The following SHANK2 variants were observed in gnomAD, a reference collection of about 807,000 sequenced individuals.
SHANK2 encodes the protein SH3 and multiple ankyrin repeat domains protein 2.
SHANK2 carries 43 observed loss-of-function variants against 133.7 expected under a neutral mutation model. That is an observed-to-expected ratio of 0.32 (90% CI 0.25 to 0.41). SHANK2 has a LOEUF of 0.41. Ranked by LOEUF, SHANK2 falls within the 10% of genes least tolerant of loss-of-function variation. The pLI is 1.00. For missense variants in SHANK2, 1,994 were observed against 2,235.8 expected, an observed-to-expected ratio of 0.89 and a Z score of 2.18; for synonymous variants, 1,017 against 952.8, an observed-to-expected ratio of 1.07 and a Z score of -1.24.
chr11:70,804,225 C>T lies in SHANK2; in HGVS notation c.1663+2777G>A, dbSNP rs1426292862. Reference sequence around the variant, plus strand: ...AGGGGACAGAATTCCTCCAAACGGCCTTGGCTCTGCAGGCAGTGGATCGGC... The same window carrying T: ...AGGGGACAGAATTCCTCCAAACGGCTTTGGCTCTGCAGGCAGTGGATCGGC... On this transcript the variant is annotated intron_variant, in intron 13 of 25. Transcript: ENST00000601538. This position sits in a 1 kb window ranked among gnomAD's most constrained non-coding sequence, Gnocchi z 4.1. 6.6e-6 allele frequency among the ~76,000 whole-genome samples: 1 copy of T among 152,222 alleles called. No individual in the cohort carries two copies. The highest frequency in any genetic ancestry group is 1.5e-5 in the Non-Finnish European group (1 of 68,036).
intron 1 of SHANK2, among the ~76,000 whole-genome samples, chr11:71,226,979 G>A (rs544896140): frequency 6.6e-6 from 1 of 152,048 alleles, no homozygotes; most frequent in Non-Finnish European, 1.5e-5. Flanking sequence ...ATGGAGAAGG[G>A]TAAAGAGACA....
chr11:70,775,308 T>C (rs1410022822), intron 14 of SHANK2, among the ~76,000 whole-genome samples: 4 of 151,954 alleles, frequency 2.6e-5, no homozygotes, highest in Non-Finnish European at 4.4e-5. Context: ...ACATAAAAAT[T>C]AGCTGGGGGC....
At chr11:71,184,122 G>A (rs964319511) in intron 2 of SHANK2, among the ~76,000 whole-genome samples, 7 of 152,104 alleles carry the variant, frequency 4.6e-5, no homozygotes, top group Non-Finnish European at 1.0e-4. Flanking sequence ...GCCCCTCCCC[G>A]GCGGCACCTG....
chr11:70,702,635 C>T, intron 14 of SHANK2, among the ~76,000 whole-genome samples: 1 of 152,238 alleles, frequency 6.6e-6, no homozygotes, highest in East Asian at 1.9e-4. Context: ...ATCATCATCA[C>T]TGCAGCAGAA....
chr11:70,594,241 G>A (rs1352275936), intron 17 of SHANK2, among the ~76,000 whole-genome samples: 2 of 152,338 alleles, frequency 1.3e-5, no homozygotes, highest in East Asian at 3.9e-4. Context: ...ACATGCCGGG[G>A]CGTGGGGGAT....
At chr11:71,152,719 A>T (rs1952821581) in intron 2 of SHANK2, among the ~76,000 whole-genome samples, 1 of 152,142 alleles carries the variant, frequency 6.6e-6, no homozygotes, top group African/African-American at 2.4e-5. Context: ...AGGTGAGCAG[A>T]GAGGAGGAGA....
At chr11:70,538,108 G>A (rs1419409832) in intron 17 of SHANK2, among the ~76,000 whole-genome samples, 1 of 152,208 alleles carries the variant, frequency 6.6e-6, no homozygotes, top group Admixed American at 6.5e-5. Flanking sequence ...GAGATGAGGG[G>A]CAGAGACCAG....
intron 10 of SHANK2, among the ~76,000 whole-genome samples, chr11:70,908,785 C>T (rs1021983597): frequency 1.3e-5 from 2 of 152,198 alleles, no homozygotes; most frequent in African/African-American, 4.8e-5. Flanking sequence ...CCACTTTCAG[C>T]GTTTGAAAGT....
chr11:70,926,732 C>T (rs1555081685), intron 10 of SHANK2, among the ~76,000 whole-genome samples: 2 of 152,218 alleles, frequency 1.3e-5, no homozygotes. Flanking sequence ...CAGCTGGGCA[C>T]CTGCGGGCTG....
At position 70,469,049 on chromosome 11, in the gene SHANK2, T is replaced by C. The variant is rs1555147814; in HGVS notation, c.*3820A>G. The C allele has an allele frequency of 6.6e-6, 1 of 151,890 alleles. No homozygotes were observed. Among genetic ancestry groups the C allele is most frequent in the Non-Finnish European group, 1.5e-5 (1 of 67,972 alleles). The allele number at this position is 151,890 out of a possible 1,614,324, so 9.4% of individuals were successfully genotyped here. ...ATGGCTAGAAGACACCCTGCTGGGG[T>C]GTGGGGAGACTGGACCCTAAGGGAA... On this transcript the variant is annotated 3_prime_UTR_variant, in exon 26 of 26. Transcript: ENST00000601538.
At chr11:71,098,607 T>C (rs1408970735) in intron 6 of SHANK2, among the ~76,000 whole-genome samples, 1 of 152,112 alleles carries the variant, frequency 6.6e-6, no homozygotes, top group Non-Finnish European at 1.5e-5. Context: ...CTGACCTCAG[T>C]AGCTCCAGAC....
intron 15 of SHANK2, among the ~76,000 whole-genome samples, chr11:70,686,158 C>A (rs1305146960): frequency 6.8e-6 from 1 of 147,624 alleles, no homozygotes; most frequent in Non-Finnish European, 1.5e-5. Context: ...ATCCAGCTCC[C>A]CTTCCTTCCT....
intron 14 of SHANK2, among the ~76,000 whole-genome samples, chr11:70,795,766 G>A (rs1301075100): frequency 1.3e-5 from 2 of 152,192 alleles, no homozygotes; most frequent in East Asian, 1.9e-4. Flanking sequence ...TTGGAGAGAT[G>A]CAATGGAAGA....
intron 17 of SHANK2, among the ~76,000 whole-genome samples, chr11:70,621,964 G>A (rs909994785): frequency 3.3e-5 from 5 of 152,160 alleles, no homozygotes; most frequent in South Asian, 2.1e-4. Context: ...TTCTGAGCTC[G>A]TTTCTCTTCC....
At chr11:70,667,262 C>T (rs1338819865) in intron 15 of SHANK2, among the ~76,000 whole-genome samples, 1 of 152,178 alleles carries the variant, frequency 6.6e-6, no homozygotes, top group African/African-American at 2.4e-5. Flanking sequence ...GACACAACTA[C>T]CTCCATGTTG....
chr11:70,843,964 A>G (rs1948955533), intron 11 of SHANK2, among the ~76,000 whole-genome samples: 1 of 152,146 alleles, frequency 6.6e-6, no homozygotes, highest in African/African-American at 2.4e-5. Flanking sequence ...GTTTGGGGAC[A>G]CGGCCTTCGT....
intron 3 of SHANK2, among the ~76,000 whole-genome samples, chr11:71,142,165 G>A (rs1952567640): frequency 6.6e-6 from 1 of 152,194 alleles, no homozygotes; most frequent in African/African-American, 2.4e-5. Context: ...ACAAAAATTA[G>A]AACGGGTCTA....
chr11:71,117,268 C>T (rs1951995856), intron 4 of SHANK2, among the ~76,000 whole-genome samples: 1 of 152,200 alleles, frequency 6.6e-6, no homozygotes, highest in Non-Finnish European at 1.5e-5. Context: ...GATCCACCTT[C>T]CTCGGCCTCC....
intron 11 of SHANK2, among the ~76,000 whole-genome samples, chr11:70,865,781 T>C (rs961107694): frequency 3.9e-4 from 59 of 152,234 alleles, no homozygotes; most frequent in African/African-American, 1.2e-3. Flanking sequence ...CTCAGATAGA[T>C]AGATTCATTC....
Sources: allele counts gnomAD v4.1 joint callset (sites outside exome capture counted in the v4.1 genomes callset), GRCh38; gene constraint gnomAD v4.1.1; non-coding constraint Gnocchi (gnomAD v3.1); transcripts MANE v1.5; gene names NCBI Gene and HGNC (gene_info 2026-07-23, HGNC 2026-07-21).